FAT2: variants seen among roughly 807,000 people sequenced by gnomAD.
FAT2 encodes the protein protocadherin Fat 2.
In FAT2, 150 loss-of-function variants were observed where a neutral mutation model predicts 295.3. The observed-to-expected ratio is 0.51, with a 90% CI of 0.44 to 0.58. The LOEUF is 0.58. Among genes scored for constraint, FAT2 ranks in the 20% least tolerant of loss-of-function variants. FAT2 has a pLI of 0.00. For missense variants in FAT2, 4,868 were observed against 5,442.7 expected, an observed-to-expected ratio of 0.89 and a Z score of 3.32; for synonymous variants, 2,026 against 2,150.3, an observed-to-expected ratio of 0.94 and a Z score of 1.60.
At chr5:151,591,085 C>T (rs1373888457) in intron 1 of FAT2, among the ~76,000 whole-genome samples, 80 bp downstream of exon 1, 1 of 152,228 alleles carries the variant, frequency 6.6e-6, no homozygotes, top group Non-Finnish European at 1.5e-5. Context: ...CCAACTCCAG[C>T]CTGCTTTGGA....
At position 151,566,677 on chromosome 5, in the gene FAT2, T is replaced by C; in HGVS notation, c.2255A>G (p.Tyr752Cys). Residue 752 changes from tyrosine to cysteine, a missense_variant, in exon 2 of 24, where the codon TAT (tyrosine) becomes TGT (cysteine). Tyr to Cys is a radical substitution (Grantham distance 194, BLOSUM62 -2). Coordinates refer to ENST00000261800, the MANE Select transcript of FAT2 (RefSeq NM_001447.3). ...CTCCTCATTGCCATCTGCAATCACA[T>C]AGACCAGTTTGCCATTAAAACCAGC... The part of the protein sequence containing the change: ...PDAGFNGKLV[Y>C]VIADGNEEGC... The C allele has an allele frequency of 6.2e-7, 1 of 1,614,166 alleles. No homozygotes were observed. The highest frequency in any genetic ancestry group is 1.6e-4 in the Middle Eastern group (1 of 6,062).
chr5:151,537,335 A>G, intron 12 of FAT2, among the ~76,000 whole-genome samples: 1 of 526 alleles, frequency 1.9e-3, no homozygotes, highest in Non-Finnish European at 3.2e-3. Flanking sequence ...AAAAGAAAGA[A>G]AAGAAAAGAA....
intron 7 of FAT2, 75 bp from the exon 8 acceptor site, chr5:151,550,946 T>C: frequency 7.1e-7 from 1 of 1,399,660 alleles, no homozygotes; most frequent in Non-Finnish European, 9.9e-7. Context: ...TGGACCTCCC[T>C]GTATCACCCA....
At chr5:151,564,797 G>T (rs530654914) in intron 2 of FAT2, among the ~76,000 whole-genome samples, 1 of 152,194 alleles carries the variant, frequency 6.6e-6, no homozygotes, top group East Asian at 1.9e-4. Context: ...TTTCGGCCGG[G>T]CATGGTGGCT....
intron 1 of FAT2, among the ~76,000 whole-genome samples, chr5:151,584,256 C>T (rs1406845702): frequency 6.6e-6 from 1 of 152,008 alleles, no homozygotes; most frequent in East Asian, 1.9e-4. Flanking sequence ...CTCAATGATT[C>T]CCTTTACCCT....
chr5:151,531,399 A>G lies in FAT2; in HGVS notation c.9811+188T>C, dbSNP rs188242038. ...GGTCCCGTTTAAGGGAGGCTCCCACATAAGCTGGCCCCAGGGTGGAAGGAG... is the reference window on the plus strand; with the variant it reads ...GGTCCCGTTTAAGGGAGGCTCCCACGTAAGCTGGCCCCAGGGTGGAAGGAG... On this transcript the variant is annotated intron_variant, in intron 14 of 23. Coordinates refer to ENST00000261800, the MANE Select transcript of FAT2 (RefSeq NM_001447.3). The surrounding 1 kb of genome is among the most constrained non-coding windows in gnomAD (Gnocchi z 5.7). Among the ~76,000 whole-genome samples, 190 of 152,264 alleles carry G rather than the reference A, an allele frequency of 1.2e-3. 1 individual carries two copies. Among genetic ancestry groups the G allele is most frequent in the Non-Finnish European group, 1.2e-3 (80 of 67,996 alleles).
chr5:151,567,822 C>T lies in FAT2; in HGVS notation c.1110G>A (p.Gln370=), dbSNP rs775436388. ...TGCCAGGAGGGGAAAACTCACTAAG[C>T]TGCACTCTGTAAACAGCCTTCTCGA... ...LKFEKAVYRV[Q]LSEFSPPGSR... Residue 370 remains glutamine (Q), a synonymous_variant, in exon 2 of 24, where the codon CAG becomes CAA. Coordinates refer to ENST00000261800, the MANE Select transcript of FAT2 (RefSeq NM_001447.3). 55 of 1,614,026 alleles carry T rather than the reference C, an allele frequency of 3.4e-5. No homozygotes were observed. In the Admixed American group the frequency reaches 7.3e-4, roughly 22 times the overall value.
chr5:151,584,275 C>T (rs552273911), intron 1 of FAT2, among the ~76,000 whole-genome samples: 12 of 152,186 alleles, frequency 7.9e-5, no homozygotes, highest in Non-Finnish European at 1.0e-4. Flanking sequence ...CTCCCCTGCC[C>T]GGCCTGCCCA....
rs1232974084 is a variant in FAT2 at position 151,543,282 on chromosome 5, A to T, written c.7845T>A (p.Gly2615=). The T allele has an allele frequency of 2.5e-6, 4 of 1,613,990 alleles. No homozygotes were observed. Among genetic ancestry groups the T allele is most frequent in the Non-Finnish European group, 1.7e-6 (2 of 1,180,016 alleles). The change falls in exon 10 of 24, where the codon GGT becomes GGA. Residue 2615 remains glycine, a synonymous_variant. Coordinates refer to ENST00000261800, the MANE Select transcript of FAT2 (RefSeq NM_001447.3). ...CTGAGTAGGTGACATCTGCGTTCTG[A>T]CCTTCATCTGCATCATAGGCCAACA... ...IQVLAYDADE[G]QNADVTYSVN...
Position 151,507,308 on chromosome 5 carries a change from C to T in FAT2, c.12363G>A (p.Lys4121=), listed in dbSNP as rs1156874595. The change falls in exon 23 of 24, where the codon AAG becomes AAA. Residue 4121 remains lysine (K), a synonymous_variant. Coordinates refer to ENST00000261800, the MANE Select transcript of FAT2 (RefSeq NM_001447.3). ...TGACGAGTTCATTTGGAACAGAGGC[C>T]TTGCTGGGTTCCGGTTGGTTGAGGT... ...CNNLNQPEPS[K]ASVPNELVTF... 6.2e-7 allele frequency: 1 copy of T among 1,614,186 alleles called. No individual in the cohort carries two copies. The highest frequency in any genetic ancestry group is 1.1e-5 in the South Asian group (1 of 91,078).
At chr5:151,572,489 A>T (rs1758571090) in intron 1 of FAT2, among the ~76,000 whole-genome samples, 1 of 152,214 alleles carries the variant, frequency 6.6e-6, no homozygotes, top group African/African-American at 2.4e-5. Context: ...TCACTTATGA[A>T]TCTGACTGTT....
upstream of FAT2, among the ~76,000 whole-genome samples, chr5:151,592,804 T>C (rs1759464329): frequency 6.6e-6 from 1 of 152,220 alleles, no homozygotes; most frequent in South Asian, 2.1e-4. Flanking sequence ...CTTAGGTGTC[T>C]AGAAGTTTAG....
Position 151,525,786 on chromosome 5 carries a change from C to T in FAT2, c.10488G>A (p.Trp3496Ter), listed in dbSNP as rs1337019218. 1.2e-6 allele frequency: 2 copies of T among 1,614,188 alleles called. No individual in the cohort carries two copies. Among genetic ancestry groups the T allele is most frequent in the Non-Finnish European group, 1.7e-6 (2 of 1,180,028 alleles). Residue 3496 changes from tryptophan to a stop codon, truncating the protein, a stop_gained, in exon 18 of 24, where the codon TGG (tryptophan) becomes TGA (stop). Transcript: ENST00000261800. LOFTEE classifies it high-confidence loss of function. ...CTCTCACCTGGATCTGAAGCTGATACCATTCCTGAGCCCTCCTGCTTAGGC... is the reference window on the plus strand; with the variant it reads ...CTCTCACCTGGATCTGAAGCTGATATCATTCCTGAGCCCTCCTGCTTAGGC... ...AEGLSRRAQE[W>*]YQLQIQASDS...
chr5:151,528,939 ATTCCAT>A (rs1208932713), intron 15 of FAT2, among the ~76,000 whole-genome samples: 1 of 152,034 alleles, frequency 6.6e-6, no homozygotes, highest in Non-Finnish European at 1.5e-5. Context: ...CCCATGCCCC[ATTCCAT>A]TGTCTCTGAT....
rs1375461844 is a variant in FAT2, at chr5:151,542,348, T to A, written c.8779A>T (p.Thr2927Ser). Residue 2927 changes from threonine to serine, a missense_variant, in exon 10 of 24, where the codon ACT becomes TCT. Thr to Ser is a moderately conservative substitution (Grantham distance 58). Coordinates refer to ENST00000261800, the MANE Select transcript of FAT2 (RefSeq NM_001447.3). ...ENSEPGELVA[T>S]LKTLDADISE... is the part of the protein sequence containing the mutation. ...ATGTCAGCATCCAGGGTCTTTAGAG[T>A]CGCCACCAGTTCGCCAGGCTCACTG... The A allele has an allele frequency of 3.2e-5, 51 of 1,613,740 alleles. No homozygotes were observed. Among genetic ancestry groups the A allele is most frequent in the Non-Finnish European group, 4.3e-5 (51 of 1,179,918 alleles).
At position 151,543,551 on chromosome 5, in the gene FAT2, T is replaced by C. The variant is rs1300882431; in HGVS notation, c.7576A>G (p.Ser2526Gly). Reference protein sequence around the residue: ...IDYTIINKLASEKFSINPNGQ... With the variant: ...IDYTIINKLAGEKFSINPNGQ... ...TTGGGGTTTATGGAGAACTTCTCAC[T>C]TGCTAGTTTATTGATGATAGTATAA... The change falls in exon 10 of 24, where the codon AGT becomes GGT. Residue 2526 changes from serine to glycine, a missense_variant. Ser to Gly is a moderately conservative substitution (Grantham distance 56). This residue lies in a region of FAT2 where 3,297 missense variants were observed against 3,669.4 expected (regional missense o/e 0.90). Transcript: ENST00000261800. 4 of 1,614,078 alleles carry C rather than the reference T, an allele frequency of 2.5e-6. No individual in the cohort carries two copies. The highest frequency in any genetic ancestry group is 3.4e-6 in the Non-Finnish European group (4 of 1,180,046).
chr5:151,584,907 G>T (rs993089423), intron 1 of FAT2, among the ~76,000 whole-genome samples: 1 of 152,056 alleles, frequency 6.6e-6, no homozygotes, highest in Non-Finnish European at 1.5e-5. Context: ...ATAGATTCCT[G>T]TCCTTCACCC....
intron 11 of FAT2, among the ~76,000 whole-genome samples, chr5:151,538,986 T>G (rs959429850): frequency 6.6e-6 from 1 of 152,232 alleles, no homozygotes; most frequent in South Asian, 2.1e-4. Flanking sequence ...GTTTTATGTG[T>G]GGAGATGGTT....
At chr5:151,533,393 A>AAAAC (rs373411098) in intron 13 of FAT2, among the ~76,000 whole-genome samples, 19,661 of 131,958 alleles carry the variant, frequency 0.15, 1,648 homozygotes, top group East Asian at 0.25. Flanking sequence ...TGTTATCTCC[A>AAAAC]ACACACACAC....
Sources: gnomAD v4.1 joint callset for allele counts (sites outside exome capture counted in the v4.1 genomes callset) on GRCh38, gnomAD v4.1.1 for gene constraint, gnomAD v4.1.1 regional missense constraint, Gnocchi (gnomAD v3.1) non-coding constraint, MANE v1.5 for transcripts, NCBI Gene and HGNC (gene_info 2026-07-23, HGNC 2026-07-21) for gene names.